HDAC9: variants seen among roughly 807,000 people sequenced by gnomAD.
HDAC9 encodes MEF-2 interacting transcription repressor (MITR) protein.
Under a neutral mutation model 139.4 loss-of-function variants are expected in HDAC9, and 41 were observed. The ratio of observed to expected loss-of-function variants is 0.29; its 90% CI spans 0.23 to 0.38. The LOEUF is 0.38. Among genes scored for constraint, HDAC9 ranks in the 10% least tolerant of loss-of-function variants. The probability of loss-of-function intolerance (pLI) is 1.00; values close to 1 mark genes in which losing one functional copy is unlikely to be tolerated. For missense variants in HDAC9, 1,147 were observed against 1,297.0 expected (o/e 0.88, Z 1.78); for synonymous variants, 517 against 476.2 (o/e 1.09, Z -1.12).
intron 14 of HDAC9, among the ~76,000 whole-genome samples, chr7:18,755,442 T>G (rs527339207): frequency 5.3e-5 from 8 of 152,114 alleles, no homozygotes; most frequent in Non-Finnish European, 1.0e-4. Context: ...AGTTATATAA[T>G]TTTCACCCAT....
intron 13 of HDAC9, among the ~76,000 whole-genome samples, chr7:18,737,194 T>C (rs745799645): frequency 1.1e-4 from 16 of 152,128 alleles, no homozygotes; most frequent in Admixed American, 5.9e-4. Context: ...AGCTCCTGGA[T>C]CATTGATTTT....
At chr7:18,451,395 G>A (rs868524498) in intron 1 of HDAC9, among the ~76,000 whole-genome samples, 3 of 134,362 alleles carry the variant, frequency 2.2e-5, no homozygotes, top group African/African-American at 8.2e-5. Context: ...GTGTGTGTGT[G>A]TGTGTGTATA....
At chr7:18,347,908 C>G (rs1315613309) in intron 1 of HDAC9, among the ~76,000 whole-genome samples, 1 of 152,042 alleles carries the variant, frequency 6.6e-6, no homozygotes, top group Non-Finnish European at 1.5e-5. Flanking sequence ...ATCTCAGTGC[C>G]CTCTGTTTTT....
At chr7:18,632,050 A>T (rs1255893176) in intron 7 of HDAC9, among the ~76,000 whole-genome samples, 5 of 151,850 alleles carry the variant, frequency 3.3e-5, no homozygotes, top group Admixed American at 6.6e-5. Flanking sequence ...AGTAGTTTTT[A>T]AAAAATATGG....
intron 1 of HDAC9, among the ~76,000 whole-genome samples, chr7:18,474,357 G>A (rs1179560751): frequency 6.6e-6 from 1 of 152,168 alleles, no homozygotes; most frequent in Non-Finnish European, 1.5e-5. Flanking sequence ...GCTTTTGCAT[G>A]TCAGGTATCC....
At chr7:18,504,512 C>G (rs1799223516) in intron 2 of HDAC9, among the ~76,000 whole-genome samples, 1 of 152,182 alleles carries the variant, frequency 6.6e-6, no homozygotes, top group Non-Finnish European at 1.5e-5. Flanking sequence ...GCCATATTGG[C>G]CAGGCTGGTC....
At chr7:18,708,444 TAGTG>T (rs1365428372) in intron 12 of HDAC9, among the ~76,000 whole-genome samples, 2 of 152,138 alleles carry the variant, frequency 1.3e-5, no homozygotes, top group African/African-American at 4.8e-5. Flanking sequence ...ACAAAGCAAA[TAGTG>T]AGACTGATCA....
intron 1 of HDAC9, among the ~76,000 whole-genome samples, chr7:18,348,961 A>G (rs764889054): frequency 3.3e-5 from 5 of 152,158 alleles, no homozygotes; most frequent in Non-Finnish European, 7.4e-5. Flanking sequence ...TATAGGTATG[A>G]TGCTGTGAAG....
chr7:18,115,607 A>G (rs569865974), intron 1 of HDAC9, among the ~76,000 whole-genome samples: 5 of 152,166 alleles, frequency 3.3e-5, no homozygotes, highest in Non-Finnish European at 7.4e-5. Context: ...TCTCCTTTTG[A>G]GGAATTTGAT....
intron 1 of HDAC9, among the ~76,000 whole-genome samples, chr7:18,117,373 C>G (rs574808849): frequency 6.6e-6 from 1 of 152,068 alleles, no homozygotes; most frequent in East Asian, 1.9e-4. Flanking sequence ...GTAGTCCCAG[C>G]TACTCGGGAG....
intron 16 of HDAC9, 112 bp downstream of exon 16, chr7:18,767,267 C>T (rs965099906): frequency 4.2e-5 from 22 of 518,330 alleles, no homozygotes; most frequent in African/African-American, 2.8e-4. Flanking sequence ...TTATGCTAGA[C>T]TTCAGGACTG....
chr7:18,209,963 G>C (rs1791819970), intron 2 of HDAC9, among the ~76,000 whole-genome samples: 1 of 151,822 alleles, frequency 6.6e-6, no homozygotes, highest in African/African-American at 2.4e-5. Flanking sequence ...GCTTCCCAAA[G>C]TGTTGGGATT....
chr7:18,428,948 G>T (rs1790377318), intron 1 of HDAC9: 1 of 152,304 alleles, frequency 6.6e-6, no homozygotes, highest in Non-Finnish European at 1.5e-5. Flanking sequence ...TATCTGTGTA[G>T]CTCCTCGCCT....
intron 15 of HDAC9, among the ~76,000 whole-genome samples, chr7:18,762,638 A>T (rs1023536008): frequency 1.3e-5 from 2 of 152,142 alleles, no homozygotes; most frequent in Non-Finnish European, 2.9e-5. Context: ...CACCGTTCCC[A>T]TTTTTTTGTA....
At chr7:18,534,791 G>A (rs1201774591) in intron 2 of HDAC9, among the ~76,000 whole-genome samples, 1 of 152,170 alleles carries the variant, frequency 6.6e-6, no homozygotes, top group African/African-American at 2.4e-5. Context: ...CCTCACCTCA[G>A]TTTTGTTTGT....
chr7:18,887,689 G>A (rs1800289284), intron 22 of HDAC9, among the ~76,000 whole-genome samples: 1 of 152,152 alleles, frequency 6.6e-6, no homozygotes, highest in South Asian at 2.1e-4. Flanking sequence ...GGAATCTTAT[G>A]TGAAAATTAA....
chr7:18,131,770 G>T (rs1013694037), intron 1 of HDAC9, among the ~76,000 whole-genome samples: 1 of 152,048 alleles, frequency 6.6e-6, no homozygotes, highest in Non-Finnish European at 1.5e-5. Flanking sequence ...GGTTTTAGAC[G>T]CACACTCCCT....
At chr7:18,126,735 C>A (rs1448241609) in intron 1 of HDAC9, among the ~76,000 whole-genome samples, 2 of 152,070 alleles carry the variant, frequency 1.3e-5, no homozygotes, top group African/African-American at 4.8e-5. Flanking sequence ...CTACCAATTT[C>A]TGAGAGTGAG....
chr7:18,526,659 A>G (rs1249463647), intron 2 of HDAC9, among the ~76,000 whole-genome samples: 1 of 152,184 alleles, frequency 6.6e-6, no homozygotes, highest in Non-Finnish European at 1.5e-5. Context: ...GTAGCTGACT[A>G]TATACAGCAG....
Sources: gnomAD v4.1 joint callset for allele counts (sites outside exome capture counted in the v4.1 genomes callset) on GRCh38, gnomAD v4.1.1 for gene constraint, MANE v1.5 for transcripts, NCBI Gene and HGNC (gene_info 2026-07-23, HGNC 2026-07-21) for gene names.